The following ZFHX4 variants were observed in gnomAD, a reference collection of about 807,000 sequenced individuals.
ZFHX4 encodes zinc finger homeobox 4.
A neutral mutation model predicts 267.6 loss-of-function variants in ZFHX4; 56 were observed. The ratio of observed to expected loss-of-function variants is 0.21; its 90% CI spans 0.17 to 0.26. The LOEUF (loss-of-function observed/expected upper bound fraction) is 0.26, where lower values mean the gene tolerates loss of function less well. Among genes scored for constraint, ZFHX4 ranks in the 10% least tolerant of loss-of-function variants. The pLI, the probability that ZFHX4 is intolerant of heterozygous loss-of-function variation, is 1.00. For missense variants in ZFHX4, 4,332 were observed against 4,420.0 expected (o/e 0.98, Z 0.56); for synonymous variants, 1,778 against 1,665.6 (o/e 1.07, Z -1.64).
At chr8:76,849,951 T>G (rs1812467502) in intron 8 of ZFHX4, 1 of 587,050 alleles carries the variant, frequency 1.7e-6, no homozygotes. Context: ...TTTTTATATC[T>G]ATAATGTTCA....
chr8:76,708,707 T>A (rs1217980756), intron 3 of ZFHX4, among the ~76,000 whole-genome samples: 10 of 152,224 alleles, frequency 6.6e-5, no homozygotes, highest in Non-Finnish European at 1.3e-4. Context: ...TTATCTTTAC[T>A]TGGAAGACTG....
At chr8:76,836,975 T>C (rs1169026036) in intron 5 of ZFHX4, among the ~76,000 whole-genome samples, 1 of 152,110 alleles carries the variant, frequency 6.6e-6, no homozygotes, top group Non-Finnish European at 1.5e-5. Context: ...TTGCTTGTGC[T>C]GGGTGGTGGT....
At chr8:76,807,797 C>G (rs948676352) in intron 4 of ZFHX4, among the ~76,000 whole-genome samples, 15 of 152,026 alleles carry the variant, frequency 9.9e-5, no homozygotes, top group Non-Finnish European at 1.8e-4. Context: ...CCAGAGTTCC[C>G]TTTTAGTGGC....
At chr8:76,756,441 G>A (rs1457204648) in intron 3 of ZFHX4, among the ~76,000 whole-genome samples, 1 of 152,052 alleles carries the variant, frequency 6.6e-6, no homozygotes, top group Non-Finnish European at 1.5e-5. Context: ...CCAGATTGAG[G>A]TTGGGATGGG....
chr8:76,789,869 A>C (rs973943326), intron 4 of ZFHX4, among the ~76,000 whole-genome samples: 1 of 152,164 alleles, frequency 6.6e-6, no homozygotes, highest in Non-Finnish European at 1.5e-5. Context: ...TCAGATATGA[A>C]TGCACGACAG....
At chr8:76,756,527 G>A (rs1293298174) in intron 3 of ZFHX4, among the ~76,000 whole-genome samples, 1 of 152,000 alleles carries the variant, frequency 6.6e-6, no homozygotes, top group Non-Finnish European at 1.5e-5. Flanking sequence ...GATGTTAGAT[G>A]CCTTATAATA....
chr8:76,719,330 G>GTTC (rs1808660179), intron 3 of ZFHX4, among the ~76,000 whole-genome samples: 1 of 151,950 alleles, frequency 6.6e-6, no homozygotes, highest in African/African-American at 2.4e-5. Flanking sequence ...CAATGTAAGG[G>GTTC]TTCTCAGTTC....
intron 3 of ZFHX4, among the ~76,000 whole-genome samples, chr8:76,713,917 C>T (rs1808497575): frequency 6.6e-6 from 1 of 151,988 alleles, no homozygotes; most frequent in Admixed American, 6.6e-5. Context: ...ACCACCACCA[C>T]CACCGCCACG....
intron 4 of ZFHX4, among the ~76,000 whole-genome samples, chr8:76,800,677 C>T (rs181005744): frequency 1.0e-3 from 152 of 152,220 alleles, no homozygotes; most frequent in African/African-American, 3.5e-3. Flanking sequence ...GTCTGGACCA[C>T]GTTATGAATA....
In ZFHX4 at chr8:76,705,171, C is replaced by T. The variant is rs781179725; in HGVS notation, c.1083C>T (p.Arg361=). 3 of 1,613,750 alleles carry T rather than the reference C, an allele frequency of 1.9e-6. No homozygotes were observed. Among genetic ancestry groups the T allele is most frequent in the Admixed American group, 3.3e-5 (2 of 60,002 alleles). The stretch of plus-strand genomic sequence containing the variant: ...TCATAGGACCCGATCCAACCTTCCG[C>T]GGTTTATGGAGCGCTTTTCATGTTG... ...TNLIGPDPTF[R]GLWSAFHVEN... The change falls in exon 2 of 11, where the codon CGC becomes CGT. Residue 361 remains arginine (R), a synonymous_variant. Coordinates refer to ENST00000651372, the MANE Select transcript of ZFHX4 (RefSeq NM_024721.5).
intron 1 of ZFHX4, among the ~76,000 whole-genome samples, chr8:76,701,006 A>C (rs528658495): frequency 6.6e-6 from 1 of 152,252 alleles, no homozygotes; most frequent in East Asian, 1.9e-4. Context: ...GACTTATAAA[A>C]CTTTATCGTA....
intron 3 of ZFHX4, among the ~76,000 whole-genome samples, chr8:76,766,785 C>G (rs1370427458): frequency 6.6e-6 from 1 of 151,566 alleles, no homozygotes; most frequent in Non-Finnish European, 1.5e-5. Context: ...TTTAAAAGTA[C>G]TTTTTGAATG....
Position 76,863,816 on chromosome 8 carries a change from G to A in ZFHX4, c.10102G>A (p.Glu3368Lys), listed in dbSNP as rs774221925. 1.3e-6 allele frequency: 2 copies of A among 1,552,468 alleles called. No individual in the cohort carries two copies. The highest frequency in any genetic ancestry group is 1.7e-6 in the Non-Finnish European group (2 of 1,147,334). ...CTCCAACGATGCTTCAGAAACAAAG[G>A]AAGACAAAAGTACTGCTACAGAAAG... ...QNSNDASETKEDKSTATESTK... is the reference protein window; with the variant it reads ...QNSNDASETKKDKSTATESTK... Residue 3368 changes from glutamate (E) to lysine (K), a missense_variant, in exon 11 of 11, where the codon GAA (glutamate) becomes AAA (lysine). This residue lies in a region of ZFHX4 where 1,648 missense variants were observed against 1,625.0 expected (regional missense o/e 1.01). Coordinates refer to ENST00000651372, the MANE Select transcript of ZFHX4 (RefSeq NM_024721.5).
At chr8:76,689,394 T>C (rs919988560) in intron 1 of ZFHX4, among the ~76,000 whole-genome samples, 2 of 152,152 alleles carry the variant, frequency 1.3e-5, no homozygotes, top group African/African-American at 4.8e-5. Flanking sequence ...GGTATTCTGA[T>C]ATCAAGATTT....
intron 1 of ZFHX4, among the ~76,000 whole-genome samples, chr8:76,697,547 A>G (rs1281425839): frequency 2.0e-5 from 3 of 152,046 alleles, no homozygotes; most frequent in Non-Finnish European, 4.4e-5. Flanking sequence ...AATTCCAAAA[A>G]TGATCGATGC....
intron 3 of ZFHX4, among the ~76,000 whole-genome samples, chr8:76,765,345 GAAGACTATTGATTATATA>G (rs1364124608): frequency 6.6e-6 from 1 of 152,080 alleles, no homozygotes; most frequent in African/African-American, 2.4e-5. Context: ...TGAAAAGTAT[GAAGACTATTGATTATATA>G]AAATTTTAGA....
chr8:76,739,932 G>C (rs923727508), intron 3 of ZFHX4, among the ~76,000 whole-genome samples: 2 of 152,060 alleles, frequency 1.3e-5, no homozygotes, highest in African/African-American at 4.8e-5. Flanking sequence ...GTCTCAGATT[G>C]CTAGTTAGTA....
intron 3 of ZFHX4, among the ~76,000 whole-genome samples, chr8:76,713,675 T>A (rs1280241448): frequency 2.0e-5 from 3 of 152,158 alleles, no homozygotes; most frequent in African/African-American, 4.8e-5. Flanking sequence ...AGCGTTCTTT[T>A]AATTAAGGGG....
chr8:76,822,125 C>G (rs958549502), intron 4 of ZFHX4, among the ~76,000 whole-genome samples: 1 of 152,126 alleles, frequency 6.6e-6, no homozygotes, highest in Admixed American at 6.6e-5. Context: ...TCTTTTTACT[C>G]TCACTTGCTC....
Sources: gnomAD v4.1 joint callset for allele counts (sites outside exome capture counted in the v4.1 genomes callset) on GRCh38, gnomAD v4.1.1 for gene constraint, gnomAD v4.1.1 regional missense constraint, MANE v1.5 for transcripts, NCBI Gene and HGNC (gene_info 2026-07-23, HGNC 2026-07-21) for gene names.